The following VPS13B variants were observed in gnomAD, a reference collection of about 807,000 sequenced individuals.
VPS13B encodes the protein intermembrane lipid transfer protein VPS13B.
A neutral mutation model predicts 426.4 loss-of-function variants in VPS13B; 285 were observed. The ratio of observed to expected loss-of-function variants is 0.67; its 90% CI spans 0.61 to 0.74. VPS13B has a LOEUF of 0.74. Among genes scored for constraint, VPS13B ranks in the 30% least tolerant of loss-of-function variants. The pLI is 0.00. For synonymous variants in VPS13B, 1,676 were observed against 1,676.4 expected (o/e 1.00, Z 0.01); for missense variants, 4,537 against 4,782.6 (o/e 0.95, Z 1.51).
At chr8:99,214,318 G>T (rs1435217914) in intron 17 of VPS13B, among the ~76,000 whole-genome samples, 1 of 152,070 alleles carries the variant, frequency 6.6e-6, no homozygotes, top group Non-Finnish European at 1.5e-5. Context: ...CATTTATCTT[G>T]CCCTTTACCA....
chr8:99,327,218 G>A (rs1349967830), intron 19 of VPS13B, among the ~76,000 whole-genome samples: 1 of 152,138 alleles, frequency 6.6e-6, no homozygotes, highest in African/African-American at 2.4e-5. Flanking sequence ...ACCTAATTGG[G>A]TAGAATGGCA....
rs182161581 is a variant in VPS13B, at chr8:99,205,314, T to C, written c.2515+12257T>C. Reference sequence around the variant, plus strand: ...GTTGGAGCTGAACAATGGAAACACATGGACACAGGGAGGGGAACATCACAC... The same window carrying C: ...GTTGGAGCTGAACAATGGAAACACACGGACACAGGGAGGGGAACATCACAC... On this transcript the variant is annotated intron_variant, in intron 17 of 61. Coordinates refer to ENST00000357162, the MANE Select transcript of VPS13B (RefSeq NM_152564.5). Among the ~76,000 whole-genome samples, 235 of 151,502 alleles carry C rather than the reference T, an allele frequency of 1.6e-3. 2 individuals are homozygous for C. Among genetic ancestry groups the C allele is most frequent in the African/African-American group, 5.5e-3 (228 of 41,238 alleles).
intron 33 of VPS13B, among the ~76,000 whole-genome samples, chr8:99,636,501 C>G (rs1177775053): frequency 2.0e-5 from 3 of 151,826 alleles, no homozygotes; most frequent in African/African-American, 7.2e-5. Context: ...TTTAACATAA[C>G]CCATATGGAA....
intron 17 of VPS13B, among the ~76,000 whole-genome samples, chr8:99,195,084 A>G (rs907834377): frequency 6.6e-6 from 1 of 152,058 alleles, no homozygotes; most frequent in Admixed American, 6.6e-5. Flanking sequence ...TGACCTCATG[A>G]TCTGCCTGCC....
At chr8:99,275,915 GAAGC>G (rs1353397928) in intron 19 of VPS13B, among the ~76,000 whole-genome samples, 1 of 152,156 alleles carries the variant, frequency 6.6e-6, no homozygotes, top group Non-Finnish European at 1.5e-5. Flanking sequence ...TTCAGTCAAT[GAAGC>G]TAGCAACGTG....
At chr8:99,682,907 G>T (rs1831213421) in intron 35 of VPS13B, among the ~76,000 whole-genome samples, 1 of 152,136 alleles carries the variant, frequency 6.6e-6, no homozygotes, top group African/African-American at 2.4e-5. Context: ...TCTACTTGGT[G>T]CTCCATTCTA....
At chr8:99,782,303 C>T (rs1812061555) in intron 42 of VPS13B, among the ~76,000 whole-genome samples, 2 of 151,948 alleles carry the variant, frequency 1.3e-5, no homozygotes, top group South Asian at 4.1e-4. Flanking sequence ...AGGCATTATG[C>T]TGGATACTGA....
Position 99,521,028 on chromosome 8 carries a change from T to A in VPS13B, c.4745+18T>A. On this transcript the variant is annotated intron_variant, in intron 30 of 61. Transcript: ENST00000357162. Reference sequence around the variant, plus strand: ...ATTTACCAGTAAGTTTATTTTCTTATGTCCAATCTTGCAACAATTTTCATC... The same window carrying A: ...ATTTACCAGTAAGTTTATTTTCTTAAGTCCAATCTTGCAACAATTTTCATC... 1 of 1,597,070 alleles carries A rather than the reference T, an allele frequency of 6.3e-7. No individual in the cohort carries two copies. Among genetic ancestry groups the A allele is most frequent in the Non-Finnish European group, 8.6e-7 (1 of 1,164,792 alleles).
At chr8:99,351,980 G>A (rs62534574) in intron 19 of VPS13B, among the ~76,000 whole-genome samples, 9,028 of 152,134 alleles carry the variant, frequency 0.059, 385 homozygotes, top group Non-Finnish European at 0.093. Context: ...AAGTACTCTC[G>A]GGAGTCTGGA....
At chr8:99,431,119 A>G (rs1817085956) in intron 21 of VPS13B, among the ~76,000 whole-genome samples, 1 of 152,196 alleles carries the variant, frequency 6.6e-6, no homozygotes, top group South Asian at 2.1e-4. Flanking sequence ...GGATGAATCA[A>G]GTGCTTTTTA....
At chr8:99,255,217 ATGTCGT>A (rs1448216866) in intron 17 of VPS13B, among the ~76,000 whole-genome samples, 1 of 151,708 alleles carries the variant, frequency 6.6e-6, no homozygotes, top group East Asian at 1.9e-4. Flanking sequence ...ATTTGTTTTT[ATGTCGT>A]TGTCCATTTT....
intron 21 of VPS13B, among the ~76,000 whole-genome samples, chr8:99,404,695 T>G (rs1815233866): frequency 6.6e-6 from 1 of 152,086 alleles, no homozygotes. Flanking sequence ...TAATGATGAG[T>G]GTAAAATATA....
rs1818781585 is a variant in VPS13B at position 99,274,367 on chromosome 8, C to A, written c.2650+35C>A. On this transcript the variant is annotated intron_variant, in intron 18 of 61. Coordinates refer to ENST00000357162, the MANE Select transcript of VPS13B (RefSeq NM_152564.5). The stretch of plus-strand genomic sequence containing the variant: ...GCTGGACCGTGTAAAACTTTATTGC[C>A]TGTATAGGAGAATTGGCCTTGCGTT... 1.1e-5 allele frequency: 18 copies of A among 1,613,716 alleles called. 1 individual carries two copies. The highest frequency in any genetic ancestry group is 1.7e-6 in the Non-Finnish European group (2 of 1,179,896).
intron 39 of VPS13B, among the ~76,000 whole-genome samples, chr8:99,746,192 T>TA (rs1382390850): frequency 3.3e-5 from 5 of 152,206 alleles, no homozygotes; most frequent in African/African-American, 1.2e-4. Flanking sequence ...CTAGTCATCT[T>TA]ATAGAGCTTG....
chr8:99,518,587 T>C (rs1487446671), intron 29 of VPS13B, among the ~76,000 whole-genome samples: 2 of 152,146 alleles, frequency 1.3e-5, no homozygotes, highest in African/African-American at 4.8e-5. Flanking sequence ...CTTCCTACTA[T>C]TTTGCCTTTC....
intron 23 of VPS13B, among the ~76,000 whole-genome samples, chr8:99,463,454 A>G (rs1047508024): frequency 6.6e-6 from 1 of 152,184 alleles, no homozygotes; most frequent in African/African-American, 2.4e-5. Context: ...CATTTTGTAC[A>G]TGCAGTTCAT....
chr8:99,157,401 T>G (rs1373820337), intron 15 of VPS13B, among the ~76,000 whole-genome samples: 1 of 152,204 alleles, frequency 6.6e-6, no homozygotes, highest in East Asian at 1.9e-4. Context: ...ATCCAAATAT[T>G]TCACAAGTTT....
intron 51 of VPS13B, among the ~76,000 whole-genome samples, chr8:99,828,143 T>C (rs1009242536): frequency 6.6e-6 from 1 of 152,098 alleles, no homozygotes; most frequent in African/African-American, 2.4e-5. Flanking sequence ...TAATTTTCTG[T>C]CTTGTTGAGC....
intron 27 of VPS13B, among the ~76,000 whole-genome samples, chr8:99,506,753 A>G (rs1239468547): frequency 1.3e-5 from 2 of 152,176 alleles, no homozygotes; most frequent in African/African-American, 2.4e-5. Context: ...GCTGCTGGGG[A>G]GGCTAAGGTG....
Sources: gnomAD v4.1 joint callset for allele counts (sites outside exome capture counted in the v4.1 genomes callset) on GRCh38, gnomAD v4.1.1 for gene constraint, MANE v1.5 for transcripts, NCBI Gene and HGNC (gene_info 2026-07-23, HGNC 2026-07-21) for gene names.